Variants in CSMD1 observed in about 807,000 individuals in gnomAD.
CSMD1 encodes CUB and Sushi multiple domains 1, also known as CUB and sushi domain-containing protein 1.
CSMD1 carries 213 observed loss-of-function variants against 417.5 expected under a neutral mutation model. The observed-to-expected ratio is 0.51, with a 90% confidence interval of 0.46 to 0.57. The LOEUF (loss-of-function observed/expected upper bound fraction) is 0.57, where lower values mean the gene tolerates loss of function less well. CSMD1 is among the 20% of genes least tolerant of loss of function. The probability of loss-of-function intolerance (pLI) is 0.00; values close to 1 mark genes in which losing one functional copy is unlikely to be tolerated. For synonymous variants in CSMD1, 2,862 were observed against 1,736.8 expected (o/e 1.65, Z -16.11); for missense variants, 6,923 against 4,529.7 (o/e 1.53, Z -15.17).
chr8:3,935,306 C>T (rs1325436429), intron 5 of CSMD1, among the ~76,000 whole-genome samples: 2 of 152,194 alleles, frequency 1.3e-5, no homozygotes, highest in African/African-American at 4.8e-5. Context: ...TCCATATCAG[C>T]ATGAAACACT....
chr8:4,927,046 T>A (rs1806915798), intron 1 of CSMD1, among the ~76,000 whole-genome samples: 1 of 151,300 alleles, frequency 6.6e-6, no homozygotes, highest in South Asian at 2.1e-4. Flanking sequence ...TCAGCATTCC[T>A]TTTAATGAAA....
At chr8:4,009,467 A>G (rs1443256517) in intron 4 of CSMD1, among the ~76,000 whole-genome samples, 1 of 152,216 alleles carries the variant, frequency 6.6e-6, no homozygotes, top group African/African-American at 2.4e-5. Context: ...GCTATGATAC[A>G]TTCAAACCAT....
intron 1 of CSMD1, among the ~76,000 whole-genome samples, chr8:4,918,234 C>T (rs1051740319): frequency 3.3e-4 from 51 of 152,324 alleles, no homozygotes; most frequent in African/African-American, 1.2e-3. Context: ...AAGGACATCA[C>T]TCAAGGCCCC....
At chr8:3,450,642 A>T (rs1021249825) in intron 12 of CSMD1, among the ~76,000 whole-genome samples, 3 of 151,898 alleles carry the variant, frequency 2.0e-5, no homozygotes, top group Non-Finnish European at 4.4e-5. Flanking sequence ...AAGGACATGA[A>T]CTCATCATTT....
At chr8:4,320,410 C>T (rs766320604) in intron 3 of CSMD1, among the ~76,000 whole-genome samples, 4 of 152,014 alleles carry the variant, frequency 2.6e-5, no homozygotes, top group Non-Finnish European at 5.9e-5. Context: ...GTAGAATGTG[C>T]AGGTTTGTGA....
chr8:3,920,716 G>C (rs547011091), intron 5 of CSMD1, among the ~76,000 whole-genome samples: 40 of 147,564 alleles, frequency 2.7e-4, no homozygotes, highest in African/African-American at 1.0e-3. Context: ...ATGCTTTTTT[G>C]TGCATCTATT....
chr8:3,297,929 G>A (rs1299011892), intron 25 of CSMD1, among the ~76,000 whole-genome samples: 1 of 152,116 alleles, frequency 6.6e-6, no homozygotes, highest in Non-Finnish European at 1.5e-5. Flanking sequence ...ATAAAAAAAT[G>A]GGCAAAAGGC....
chr8:3,811,693 T>G (rs941239541), intron 5 of CSMD1, among the ~76,000 whole-genome samples: 1 of 152,062 alleles, frequency 6.6e-6, no homozygotes, highest in African/African-American at 2.4e-5. Flanking sequence ...TAGATGGATG[T>G]TTGTTTTTGT....
At chr8:3,691,151 G>A (rs532499511) in intron 7 of CSMD1, among the ~76,000 whole-genome samples, 2 of 152,198 alleles carry the variant, frequency 1.3e-5, no homozygotes, top group East Asian at 3.9e-4. Flanking sequence ...CGGATCACCT[G>A]AGGTCAGGAG....
chr8:4,802,578 C>T (rs1260163480), intron 1 of CSMD1, among the ~76,000 whole-genome samples: 1 of 152,128 alleles, frequency 6.6e-6, no homozygotes, highest in African/African-American at 2.4e-5. Context: ...GAAGAGATCA[C>T]AATGTTTTTT....
At position 2,977,816 on chromosome 8, in the gene CSMD1, T is replaced by C. The variant is rs373653457; in HGVS notation, c.8566+796A>G. On this transcript the variant is annotated intron_variant, in intron 55 of 69. Coordinates refer to ENST00000635120, the MANE Select transcript of CSMD1 (RefSeq NM_033225.6). Reference sequence around the variant, plus strand: ...AAGACATTTATGTGGCCAATAAACATATGAAAAAAGCTCAACATCACTGAT... The same window carrying C: ...AAGACATTTATGTGGCCAATAAACACATGAAAAAAGCTCAACATCACTGAT... 5.3e-5 allele frequency among the ~76,000 whole-genome samples: 8 copies of C among 152,138 alleles called. No individual in the cohort carries two copies. The East Asian group carries it at 1.4e-3, about 26-fold the overall frequency.
chr8:4,450,992 C>G (rs12549303), intron 2 of CSMD1, among the ~76,000 whole-genome samples: 24,374 of 150,534 alleles, frequency 0.16, 2,123 homozygotes, highest in South Asian at 0.27. Context: ...ACTGAATTGA[C>G]AGCTAAGCTT....
At chr8:3,857,709 G>T (rs913375170) in intron 5 of CSMD1, among the ~76,000 whole-genome samples, 1 of 152,160 alleles carries the variant, frequency 6.6e-6, no homozygotes, top group Admixed American at 6.6e-5. Context: ...CAAATACCAG[G>T]TGTGATGATC....
intron 37 of CSMD1, among the ~76,000 whole-genome samples, chr8:3,164,396 G>T (rs1820085856): frequency 6.6e-6 from 1 of 152,130 alleles, no homozygotes; most frequent in Non-Finnish European, 1.5e-5. Context: ...AGATTTTCAA[G>T]CCATTGGGGC....
chr8:4,925,140 G>C (rs1482508493), intron 1 of CSMD1, among the ~76,000 whole-genome samples: 1 of 150,474 alleles, frequency 6.6e-6, no homozygotes, highest in East Asian at 2.0e-4. Context: ...TTTAGTCCCT[G>C]AGCAGCAGAC....
intron 4 of CSMD1, among the ~76,000 whole-genome samples, chr8:4,027,768 A>T (rs1223138735): frequency 6.6e-6 from 1 of 152,186 alleles, no homozygotes; most frequent in Non-Finnish European, 1.5e-5. Context: ...TAAATAACTA[A>T]AATAACATAG....
At chr8:4,078,674 G>A (rs1346146094) in intron 3 of CSMD1, among the ~76,000 whole-genome samples, 3 of 149,882 alleles carry the variant, frequency 2.0e-5, no homozygotes, top group African/African-American at 7.4e-5. Context: ...GAAAAAACTT[G>A]CTGTATTCTT....
intron 25 of CSMD1, among the ~76,000 whole-genome samples, chr8:3,295,720 T>G (rs931400732): frequency 6.6e-6 from 1 of 152,282 alleles, no homozygotes; most frequent in East Asian, 1.9e-4. Context: ...ATTATATCTT[T>G]AGGAATACCT....
chr8:4,701,325 T>TA (rs1336868381), intron 1 of CSMD1, among the ~76,000 whole-genome samples: 2 of 151,654 alleles, frequency 1.3e-5, no homozygotes, highest in East Asian at 3.9e-4. Context: ...TGCTTTTTTT[T>TA]TTTTTAACTC....
Sources: allele counts gnomAD v4.1 joint callset (sites outside exome capture counted in the v4.1 genomes callset), GRCh38; gene constraint gnomAD v4.1.1; transcripts MANE v1.5; gene names NCBI Gene and HGNC (gene_info 2026-07-23, HGNC 2026-07-21).